PDLIM2: variants seen among roughly 807,000 people sequenced by gnomAD.
PDLIM2 encodes the protein PDZ and LIM domain 2, also known as PDZ and LIM domain protein 2.
PDLIM2 carries 51 observed loss-of-function variants against 54.1 expected under a neutral mutation model. The ratio of observed to expected loss-of-function variants is 0.94; its 90% CI spans 0.75 to 1.19. PDLIM2 has a LOEUF of 1.19. Ranked by LOEUF, PDLIM2 falls within the 50% of genes most tolerant of loss-of-function variation. PDLIM2 has a pLI of 0.00. For missense variants in PDLIM2, 912 were observed against 874.0 expected (o/e 1.04, Z -0.55); for synonymous variants, 398 against 385.6 (o/e 1.03, Z -0.38).
intron 7 of PDLIM2, 64 bp downstream of exon 6, chr8:22,589,438 C>T (rs1448928173): frequency 3.3e-6 from 5 of 1,527,630 alleles, no homozygotes; most frequent in South Asian, 2.4e-5. Context: ...AGGAGGGAGA[C>T]GGGCTTCCCC....
rs1334577710 is a variant in PDLIM2 at position 22,585,114 on chromosome 8, C to T, written c.1163C>T (p.Pro388Leu). Reference sequence around the variant, plus strand: ...CCGAGGGCCGGCAGCCCCTTCTCACCACCACCCTCTAGCAGCTCCCTCACT... The same window carrying T: ...CCGAGGGCCGGCAGCCCCTTCTCACTACCACCCTCTAGCAGCTCCCTCACT... The change falls in exon 5 of 10, where the codon CCA (proline) becomes CTA (leucine). Residue 388 changes from proline to leucine, a missense_variant. Coordinates refer to ENST00000308354, the Ensembl canonical transcript of PDLIM2. The T allele has an allele frequency of 1.9e-6, 3 of 1,613,752 alleles. No homozygotes were observed. In the Admixed American group the frequency reaches 5.0e-5, roughly 27 times the overall value.
chr8:22,593,634 C>A, intron 9 of PDLIM2, 99 bp from the exon 9 acceptor site: 14 of 1,064,700 alleles, frequency 1.3e-5, no homozygotes, highest in Non-Finnish European at 1.7e-5. Context: ...TTGGGCTCCA[C>A]CCAGGTCCTG....
chr8:22,590,035 C>T (rs1412136245), intron 8 of PDLIM2: 3 of 406,724 alleles, frequency 7.4e-6, no homozygotes, highest in Non-Finnish European at 1.3e-5. Context: ...GGCTGGGCCT[C>T]CAGGGAGGGC....
intron 2 of PDLIM2, chr8:22,580,935 C>G (rs568967170): frequency 8.3e-5 from 57 of 686,452 alleles, no homozygotes; most frequent in Non-Finnish European, 1.5e-4. Flanking sequence ...GCTCTTGCCT[C>G]CCCAGTTGCT....
At chr8:22,596,703 A>C (rs1654116666), downstream of PDLIM2, 1 of 152,222 alleles carries the variant, frequency 6.6e-6, no homozygotes, top group African/African-American at 2.4e-5. Context: ...TGGTTAGAGA[A>C]GGGAAAGTGA....
intron 6 of PDLIM2, among the ~76,000 whole-genome samples, chr8:22,587,206 C>T (rs1425877197): frequency 6.6e-6 from 1 of 152,272 alleles, no homozygotes; most frequent in East Asian, 1.9e-4. Flanking sequence ...CCCACGGGTG[C>T]ACAAGTCTCA....
intron 8 of PDLIM2, chr8:22,590,407 G>A (rs1340647676): frequency 6.6e-6 from 1 of 152,460 alleles, no homozygotes; most frequent in Non-Finnish European, 1.5e-5. Context: ...CAGAGTTTGG[G>A]GATAGGTGGC....
exon 10 of PDLIM2, chr8:22,593,941 T>G (rs770773863): frequency 5.2e-6 from 8 of 1,541,908 alleles, no homozygotes; most frequent in Non-Finnish European, 5.2e-6. Context: ...GCCTCACTGC[T>G]GGGCCAGGGT....
chr8:22,588,999 C>T (rs1800453665), intron 6 of PDLIM2: 2 of 545,388 alleles, frequency 3.7e-6, no homozygotes, highest in African/African-American at 3.9e-5. Context: ...CTGTGCTTAG[C>T]TGTCACCTGC....
Position 22,589,679 on chromosome 8 carries a change from C to T in PDLIM2, c.1451C>T (p.Ala484Val), listed in dbSNP as rs746599490. The T allele has an allele frequency of 3.0e-5, 47 of 1,575,932 alleles. No homozygotes were observed. Among genetic ancestry groups the T allele is most frequent in the Admixed American group, 3.6e-5 (2 of 55,112 alleles). Residue 484 changes from alanine (A) to valine (V), a missense_variant, in exon 8 of 10, where the codon GCG (alanine) becomes GTG (valine). By Grantham distance (64) the Ala-to-Val change is moderately conservative. Transcript: ENST00000308354. Reference sequence around the variant, plus strand: ...CTGCAGGAAAATCGCGAGGGACGGGCGGCCCCCCGACAGTCCAGCTCCTTT... The same window carrying T: ...CTGCAGGAAAATCGCGAGGGACGGGTGGCCCCCCGACAGTCCAGCTCCTTT...
intron 9 of PDLIM2, 168 bp downstream of exon 8, chr8:22,591,836 C>T: frequency 5.0e-6 from 3 of 600,618 alleles, no homozygotes; most frequent in Non-Finnish European, 5.7e-6. Flanking sequence ...GCATTAGTTA[C>T]AGGCTTCTTA....
At chr8:22,597,480 T>G (rs1394106157), downstream of PDLIM2, 2 of 152,236 alleles carry the variant, frequency 1.3e-5, no homozygotes, top group African/African-American at 4.8e-5. Flanking sequence ...GGGGAGTGTG[T>G]GTTGGGGTGT....
chr8:22,585,516 T>C (rs1359660877), intron 6 of PDLIM2, 117 bp downstream of exon 5: 21 of 996,118 alleles, frequency 2.1e-5, no homozygotes, highest in Non-Finnish European at 3.2e-5. Context: ...ATGGCCTCCT[T>C]CTCCTGGCCA....
At chr8:22,583,280 C>T (rs1265412642) in intron 3 of PDLIM2, among the ~76,000 whole-genome samples, 6 of 152,000 alleles carry the variant, frequency 3.9e-5, no homozygotes, top group Non-Finnish European at 8.8e-5. Flanking sequence ...AGGCGGGTCT[C>T]GCCCTTTGTT....
chr8:22,588,336 A>C (rs761387757), intron 6 of PDLIM2: 1 of 152,248 alleles, frequency 6.6e-6, no homozygotes, highest in Non-Finnish European at 1.5e-5. Context: ...GGATGTGTGC[A>C]ATTTTCCATG....
intron 8 of PDLIM2, chr8:22,590,863 G>A (rs1334057635): frequency 6.5e-6 from 1 of 152,854 alleles, no homozygotes; most frequent in Non-Finnish European, 1.5e-5. Flanking sequence ...GAGGTTGAAG[G>A]TGAGATTTCC....
intron 3 of PDLIM2, among the ~76,000 whole-genome samples, chr8:22,581,990 G>A (rs1800217672): frequency 6.6e-6 from 1 of 152,218 alleles, no homozygotes; most frequent in Admixed American, 6.5e-5. Flanking sequence ...ATTCCTCATA[G>A]AGGCTGTCTG....
chr8:22,581,461 G>A (rs763720344), exon 3 of PDLIM2: 2 of 1,606,568 alleles, frequency 1.2e-6, no homozygotes, highest in African/African-American at 1.3e-5. Flanking sequence ...AGCGCGGAGG[G>A]CATGCTGCAT....
intron 3 of PDLIM2, among the ~76,000 whole-genome samples, chr8:22,583,973 T>A (rs543081696): frequency 6.6e-6 from 1 of 150,730 alleles, no homozygotes; most frequent in African/African-American, 2.4e-5. Flanking sequence ...AGAACCAAAC[T>A]ATCCTTTCTT....
Sources: allele counts gnomAD v4.1 joint callset (sites outside exome capture counted in the v4.1 genomes callset), GRCh38; gene constraint gnomAD v4.1.1; transcripts MANE v1.5; gene names NCBI Gene and HGNC (gene_info 2026-07-23, HGNC 2026-07-21).